COBL: variants seen among roughly 807,000 people sequenced by gnomAD.
COBL encodes the protein cordon-bleu WH2 repeat protein, also known as protein cordon-bleu.
In COBL, 51 loss-of-function variants were observed where a neutral mutation model predicts 98.8. The ratio of observed to expected loss-of-function variants is 0.52; its 90% CI spans 0.41 to 0.65. The LOEUF is 0.65. Ranked by LOEUF, COBL falls within the 30% of genes least tolerant of loss-of-function variation. The probability of loss-of-function intolerance (pLI) is 0.00; values close to 1 mark genes in which losing one functional copy is unlikely to be tolerated. For missense variants in COBL, 1,617 were observed against 1,617.5 expected (o/e 1.00, Z 0.01); for synonymous variants, 634 against 651.7 (o/e 0.97, Z 0.41).
intron 1 of COBL, among the ~76,000 whole-genome samples, chr7:51,266,446 C>T (rs1191522600): frequency 6.6e-6 from 1 of 152,084 alleles, no homozygotes; most frequent in East Asian, 1.9e-4. Context: ...GGCATGGTGG[C>T]GCATTCCTGT....
rs1786360095 is a variant in COBL, at chr7:51,017,233, TAAATA to T, written c.*313_*317del. 1.3e-5 allele frequency: 7 copies of T among 529,268 alleles called. No homozygotes were observed. In the South Asian group the frequency reaches 2.3e-4, roughly 17 times the overall value. The allele number at this position is 529,268 out of a possible 1,614,324, so 32.8% of individuals were successfully genotyped here. A position where few individuals can be genotyped will look rare whatever the true frequency, so the allele number is the denominator to read the frequency against. On this transcript the variant is annotated 3_prime_UTR_variant, in exon 13 of 13. Transcript: ENST00000265136. Reference sequence around the variant, plus strand: ...GGCATGATTCTTTTTACTTTGCCCATAAATATAATTAAGTGTGAGTGCTGGGCTCC... The same window carrying T: ...GGCATGATTCTTTTTACTTTGCCCATTAATTAAGTGTGAGTGCTGGGCTCC...
chr7:51,310,001 G>C (rs1313420648), intron 1 of COBL, among the ~76,000 whole-genome samples: 1 of 152,232 alleles, frequency 6.6e-6, no homozygotes, highest in African/African-American at 2.4e-5. Flanking sequence ...GCCAAGGTGA[G>C]AGAGAAAGCC....
At chr7:51,237,934 T>C (rs2129116698) in intron 1 of COBL, among the ~76,000 whole-genome samples, 1 of 152,328 alleles carries the variant, frequency 6.6e-6, no homozygotes, top group Admixed American at 6.5e-5. Context: ...AGGAAGTAAC[T>C]GCTGATGTCA....
intron 1 of COBL, among the ~76,000 whole-genome samples, chr7:51,257,226 T>A (rs1797272877): frequency 6.6e-6 from 1 of 152,106 alleles, no homozygotes; most frequent in Admixed American, 6.6e-5. Flanking sequence ...GTGAATTACG[T>A]CCCCAACAAC....
intron 1 of COBL, among the ~76,000 whole-genome samples, chr7:51,286,930 A>T (rs995220352): frequency 6.6e-6 from 1 of 152,230 alleles, no homozygotes; most frequent in Non-Finnish European, 1.5e-5. Context: ...ACACAGCCAT[A>T]AAAAAGAATT....
chr7:51,019,888 T>C (rs1454939188), intron 12 of COBL, among the ~76,000 whole-genome samples: 1 of 152,190 alleles, frequency 6.6e-6, no homozygotes, highest in African/African-American at 2.4e-5. Context: ...CTAATGCACA[T>C]ATGAGGACCT....
intron 2 of COBL, among the ~76,000 whole-genome samples, chr7:51,200,514 G>C (rs1791019366): frequency 6.6e-6 from 1 of 152,210 alleles, no homozygotes; most frequent in Non-Finnish European, 1.5e-5. Flanking sequence ...GTAAACTGTA[G>C]AGCGCCTGTA....
intron 1 of COBL, among the ~76,000 whole-genome samples, chr7:51,296,202 T>G (rs1801407274): frequency 6.6e-6 from 1 of 152,194 alleles, no homozygotes; most frequent in South Asian, 2.1e-4. Context: ...ACCCATGATA[T>G]CAGCACATAG....
intron 1 of COBL, among the ~76,000 whole-genome samples, chr7:51,267,246 C>T (rs562684562): frequency 6.6e-6 from 1 of 152,282 alleles, no homozygotes; most frequent in South Asian, 2.1e-4. Flanking sequence ...TTCCCAAACC[C>T]CTGCTGTAAA....
At chr7:51,054,230 T>C (rs543936106) in intron 7 of COBL, among the ~76,000 whole-genome samples, 47 of 152,164 alleles carry the variant, frequency 3.1e-4, no homozygotes, top group Middle Eastern at 3.4e-3. Context: ...AAAAGGAAAC[T>C]TTTCGCTTTT....
chr7:51,054,880 T>C (rs1790585970), intron 7 of COBL, among the ~76,000 whole-genome samples: 1 of 152,222 alleles, frequency 6.6e-6, no homozygotes. Flanking sequence ...CGGAACTTGC[T>C]TTCAATGTAA....
chr7:51,119,571 T>C (rs1797569878), intron 6 of COBL, among the ~76,000 whole-genome samples: 1 of 152,162 alleles, frequency 6.6e-6, no homozygotes, highest in African/African-American at 2.4e-5. Context: ...GGGTAGTAAG[T>C]AAAGTTTTTA....
intron 5 of COBL, among the ~76,000 whole-genome samples, chr7:51,165,747 C>G (rs776389725): frequency 6.6e-6 from 1 of 151,770 alleles, no homozygotes; most frequent in Non-Finnish European, 1.5e-5. Context: ...TTTTTAAAAA[C>G]TGAAATAATA....
At chr7:51,054,781 C>G (rs560324925) in intron 7 of COBL, among the ~76,000 whole-genome samples, 2 of 152,204 alleles carry the variant, frequency 1.3e-5, no homozygotes, top group East Asian at 1.9e-4. Context: ...ATGATGTCCA[C>G]GACAGAAAAC....
At chr7:51,236,268 G>C (rs1795251565) in intron 1 of COBL, among the ~76,000 whole-genome samples, 1 of 152,214 alleles carries the variant, frequency 6.6e-6, no homozygotes, top group Admixed American at 6.5e-5. Context: ...TTAAAACATA[G>C]AGGGGGATTC....
chr7:51,229,534 C>A (rs1417853498), intron 1 of COBL, among the ~76,000 whole-genome samples: 1 of 152,198 alleles, frequency 6.6e-6, no homozygotes, highest in East Asian at 1.9e-4. Context: ...CCCAGGTGAT[C>A]CCTTCAGGAG....
At chr7:51,315,443 G>A (rs1563159630) in intron 1 of COBL, among the ~76,000 whole-genome samples, 1 of 152,210 alleles carries the variant, frequency 6.6e-6, no homozygotes, top group Non-Finnish European at 1.5e-5. Flanking sequence ...GGGCACATGG[G>A]CAGGGTGAGT....
chr7:51,021,518 G>A (rs189429709), intron 12 of COBL, among the ~76,000 whole-genome samples: 1 of 152,154 alleles, frequency 6.6e-6, no homozygotes, highest in Non-Finnish European at 1.5e-5. Flanking sequence ...GTAGAGATGG[G>A]GGTCTTGTTA....
chr7:51,310,127 G>T (rs370918890), intron 1 of COBL, among the ~76,000 whole-genome samples: 17 of 152,308 alleles, frequency 1.1e-4, no homozygotes, highest in African/African-American at 3.8e-4. Context: ...AAGTTTAAAT[G>T]GATTAAAATT....
Sources: allele counts gnomAD v4.1 joint callset (sites outside exome capture counted in the v4.1 genomes callset), GRCh38; gene constraint gnomAD v4.1.1; transcripts MANE v1.5; gene names NCBI Gene and HGNC (gene_info 2026-07-23, HGNC 2026-07-21).